The following GRM3 variants were observed in gnomAD, a reference collection of about 807,000 sequenced individuals.
The protein encoded by GRM3 is metabotropic glutamate receptor 3.
Under a neutral mutation model 70.5 loss-of-function variants are expected in GRM3, and 26 were observed. That is an observed-to-expected ratio of 0.37 (90% confidence interval 0.27 to 0.51). The LOEUF is 0.51. GRM3 is among the 20% of genes least tolerant of loss of function. GRM3 has a pLI of 0.93. For missense variants in GRM3, 859 were observed against 1,123.8 expected (o/e 0.76, Z 3.37); for synonymous variants, 443 against 434.9 (o/e 1.02, Z -0.23).
At chr7:86,788,228 T>G (rs187670843) in intron 3 of GRM3, among the ~76,000 whole-genome samples, 5 of 152,282 alleles carry the variant, frequency 3.3e-5, no homozygotes, top group South Asian at 2.1e-4. Context: ...AAATGGCAGT[T>G]CTCACATCTC....
chr7:86,786,977 C>G lies in GRM3; in HGVS notation c.1185C>G (p.Asn395Lys). The change falls in exon 3 of 6, where the codon AAC becomes AAG. Residue 395 changes from asparagine (N) to lysine (K), a missense_variant. By Grantham distance (94) the Asn-to-Lys change is moderately conservative (BLOSUM62 0). Transcript: ENST00000361669. This position sits in a 1 kb window ranked among gnomAD's most constrained non-coding sequence, Gnocchi z 6.0. ...EQESKIMFVV[N>K]AVYAMAHALH... The stretch of plus-strand genomic sequence containing the variant: ...AGTCCAAGATCATGTTTGTGGTGAA[C>G]GCGGTGTATGCCATGGCCCACGCTT... 6.2e-7 allele frequency: 1 copy of G among 1,614,114 alleles called. No homozygotes were observed. Among genetic ancestry groups the G allele is most frequent in the Non-Finnish European group, 8.5e-7 (1 of 1,179,978 alleles).
At chr7:86,814,819 C>T (rs1797983797) in intron 3 of GRM3, among the ~76,000 whole-genome samples, 1 of 150,772 alleles carries the variant, frequency 6.6e-6, no homozygotes, top group African/African-American at 2.4e-5. Context: ...ACTTTCAGCG[C>T]CAGTCATTTC....
At chr7:86,803,677 G>A (rs968474466) in intron 3 of GRM3, among the ~76,000 whole-genome samples, 1 of 152,124 alleles carries the variant, frequency 6.6e-6, no homozygotes, top group Non-Finnish European at 1.5e-5. Context: ...CTTGGCTAAG[G>A]ATTGAATTAA....
At chr7:86,788,192 T>G (rs1274610361) in intron 3 of GRM3, among the ~76,000 whole-genome samples, 1 of 152,216 alleles carries the variant, frequency 6.6e-6, no homozygotes, top group Admixed American at 6.5e-5. Flanking sequence ...AAAGTTTATA[T>G]GCTCAGATCA....
chr7:86,790,858 A>C (rs1406110144), intron 3 of GRM3, among the ~76,000 whole-genome samples: 2 of 152,036 alleles, frequency 1.3e-5, no homozygotes, highest in Non-Finnish European at 2.9e-5. Context: ...AGTGTAATGC[A>C]TTACCCCCAA....
At chr7:86,821,143 T>A (rs1210663302) in intron 3 of GRM3, among the ~76,000 whole-genome samples, 1 of 150,790 alleles carries the variant, frequency 6.6e-6, no homozygotes, top group African/African-American at 2.5e-5. Flanking sequence ...TTGCAGATAA[T>A]GTGCTCCATG....
chr7:86,827,907 T>A (rs535004892), intron 3 of GRM3, among the ~76,000 whole-genome samples: 11 of 152,188 alleles, frequency 7.2e-5, no homozygotes, highest in Non-Finnish European at 1.6e-4. Context: ...GGTCAGGAGA[T>A]GGAGACCATC....
chr7:86,826,803 T>C (rs1798243266), intron 3 of GRM3, among the ~76,000 whole-genome samples: 1 of 152,334 alleles, frequency 6.6e-6, no homozygotes, highest in Middle Eastern at 3.4e-3. Flanking sequence ...TTGCATATTA[T>C]GGGATGTTCA....
At chr7:86,715,889 T>C (rs1176495448) in intron 1 of GRM3, among the ~76,000 whole-genome samples, 1 of 151,968 alleles carries the variant, frequency 6.6e-6, no homozygotes, top group Non-Finnish European at 1.5e-5. Context: ...GGGTAGAGTA[T>C]GACAAAGGGA....
intron 1 of GRM3, among the ~76,000 whole-genome samples, chr7:86,683,407 A>C (rs1016259728): frequency 2.0e-5 from 3 of 152,216 alleles, no homozygotes; most frequent in South Asian, 2.1e-4. Flanking sequence ...TATGTTGTAC[A>C]CATCAATTCA....
intron 5 of GRM3, among the ~76,000 whole-genome samples, chr7:86,859,261 C>G (rs1798909716): frequency 6.6e-6 from 1 of 152,110 alleles, no homozygotes; most frequent in African/African-American, 2.4e-5. Context: ...TGCACCAGGC[C>G]CAGTCTATAT....
chr7:86,817,008 T>A (rs1439410968), intron 3 of GRM3, among the ~76,000 whole-genome samples: 1 of 151,776 alleles, frequency 6.6e-6, no homozygotes. Context: ...AGCAAGAAAT[T>A]CTCAGCCAAG....
chr7:86,800,766 G>A (rs566862843), intron 3 of GRM3, among the ~76,000 whole-genome samples: 114 of 152,290 alleles, frequency 7.5e-4, no homozygotes, highest in African/African-American at 2.7e-3. Flanking sequence ...TGAAAAGGAA[G>A]GACTTCACTC....
At chr7:86,815,162 G>T (rs990908675) in intron 3 of GRM3, among the ~76,000 whole-genome samples, 1 of 151,460 alleles carries the variant, frequency 6.6e-6, no homozygotes, top group Non-Finnish European at 1.5e-5. Flanking sequence ...AAAGGAGGGG[G>T]AACGGGAAAA....
chr7:86,773,989 C>T (rs569376496), intron 2 of GRM3, among the ~76,000 whole-genome samples: 51 of 152,092 alleles, frequency 3.4e-4, no homozygotes, highest in Non-Finnish European at 3.4e-4. Context: ...ATGGAGGTCA[C>T]GCGATAAAAA....
chr7:86,786,957 A>C lies in GRM3; in HGVS notation c.1165A>C (p.Lys389Gln), dbSNP rs1797266704. The part of the protein sequence containing the change: ...IDSSNYEQES[K>Q]IMFVVNAVYA... ...CAGCAGCAACTACGAGCAAGAGTCC[A>C]AGATCATGTTTGTGGTGAACGCGGT... Residue 389 changes from lysine to glutamine, a missense_variant, in exon 3 of 6, where the codon AAG (lysine) becomes CAG (glutamine). By Grantham distance (53) the Lys-to-Gln change is moderately conservative. Coordinates refer to ENST00000361669, the MANE Select transcript of GRM3 (RefSeq NM_000840.3). This position sits in a 1 kb window ranked among gnomAD's most constrained non-coding sequence, Gnocchi z 6.0. 6.2e-7 allele frequency: 1 copy of C among 1,614,102 alleles called. No individual in the cohort carries two copies. Among genetic ancestry groups the C allele is most frequent in the African/African-American group, 1.3e-5 (1 of 74,940 alleles).
At chr7:86,853,638 A>T (rs2115578332) in intron 5 of GRM3, among the ~76,000 whole-genome samples, 1 of 152,282 alleles carries the variant, frequency 6.6e-6, no homozygotes, top group East Asian at 1.9e-4. Context: ...TGGTTTTCTG[A>T]CTTTCTCTTC....
At chr7:86,763,172 C>A (rs1796521971) in intron 1 of GRM3, among the ~76,000 whole-genome samples, 1 of 152,100 alleles carries the variant, frequency 6.6e-6, no homozygotes, top group Non-Finnish European at 1.5e-5. Flanking sequence ...TTTTAGGCAT[C>A]TTGATTGAGT....
chr7:86,785,538 T>C (rs1797206815), intron 2 of GRM3, among the ~76,000 whole-genome samples: 1 of 151,948 alleles, frequency 6.6e-6, no homozygotes, highest in African/African-American at 2.4e-5. Flanking sequence ...GATGTAAGAA[T>C]AGAATTCTAT....
Sources: gnomAD v4.1 joint callset for allele counts (sites outside exome capture counted in the v4.1 genomes callset) on GRCh38, gnomAD v4.1.1 for gene constraint, Gnocchi (gnomAD v3.1) non-coding constraint, MANE v1.5 for transcripts, NCBI Gene and HGNC (gene_info 2026-07-23, HGNC 2026-07-21) for gene names.